Variants in RABGAP1L observed in about 807,000 individuals in gnomAD.
RABGAP1L encodes the protein RAB GTPase activating protein 1 like, also known as rab GTPase-activating protein 1-like.
In RABGAP1L, 63 loss-of-function variants were observed where a neutral mutation model predicts 137.7. The observed-to-expected ratio is 0.46, with a 90% CI of 0.37 to 0.56. RABGAP1L has a LOEUF of 0.56. Ranked by LOEUF, RABGAP1L falls within the 20% of genes least tolerant of loss-of-function variation. The pLI is 0.00. For missense variants in RABGAP1L, 1,095 were observed against 1,244.0 expected, an observed-to-expected ratio of 0.88 and a Z score of 1.80; for synonymous variants, 431 against 433.7, an observed-to-expected ratio of 0.99 and a Z score of 0.08.
At position 174,629,518 on chromosome 1, in the gene RABGAP1L, G is replaced by A. The variant is rs1673165169; in HGVS notation, c.1711-7857G>A. 1.3e-5 allele frequency among the ~76,000 whole-genome samples: 2 copies of A among 151,938 alleles called. 1 individual carries two copies. The highest frequency in any genetic ancestry group is 2.9e-5 in the Non-Finnish European group (2 of 67,876). On this transcript the variant is annotated intron_variant, in intron 13 of 25. Coordinates refer to ENST00000681986, the MANE Select transcript of RABGAP1L (RefSeq NM_001366446.1). ...TATTAAACATTTAAAAGTAATCCTA[G>A]GAAGGGGAATTTTATTTTAATTAAT...
chr1:174,518,943 T>G (rs1173315446), intron 13 of RABGAP1L, among the ~76,000 whole-genome samples: 1 of 152,146 alleles, frequency 6.6e-6, no homozygotes, highest in African/African-American at 2.4e-5. Context: ...GAGCTGTGTA[T>G]GAAATTAAAA....
intron 13 of RABGAP1L, among the ~76,000 whole-genome samples, chr1:174,607,710 T>A (rs1670890358): frequency 6.6e-6 from 1 of 152,240 alleles, no homozygotes; most frequent in Admixed American, 6.5e-5. Flanking sequence ...TTTCAGGAAA[T>A]ACTAACTTGG....
intron 19 of RABGAP1L, among the ~76,000 whole-genome samples, chr1:174,932,447 A>G (rs1663999498): frequency 6.6e-6 from 1 of 151,962 alleles, no homozygotes. Flanking sequence ...TAGATTTAGG[A>G]TATGTATCAT....
chr1:174,881,250 T>C (rs927070658), intron 19 of RABGAP1L, among the ~76,000 whole-genome samples: 97 of 152,280 alleles, frequency 6.4e-4, no homozygotes, highest in Non-Finnish European at 5.0e-4. Context: ...CTGTAGCTCA[T>C]TTTTAAATAG....
chr1:174,386,603 G>A (rs1233246234), intron 12 of RABGAP1L, among the ~76,000 whole-genome samples: 1 of 151,996 alleles, frequency 6.6e-6, no homozygotes, highest in Non-Finnish European at 1.5e-5. Flanking sequence ...CACCTCCTGG[G>A]TTCAAGTGAT....
At chr1:174,759,420 C>A (rs1685037931) in intron 18 of RABGAP1L, among the ~76,000 whole-genome samples, 1 of 151,310 alleles carries the variant, frequency 6.6e-6, no homozygotes, top group Non-Finnish European at 1.5e-5. Flanking sequence ...CATAGTGAAA[C>A]CCTGTCTCTA....
chr1:174,720,161 A>G (rs887045740), intron 17 of RABGAP1L, among the ~76,000 whole-genome samples: 2 of 152,170 alleles, frequency 1.3e-5, no homozygotes, highest in Non-Finnish European at 2.9e-5. Flanking sequence ...TTGATTTTCA[A>G]CAAGGATGCC....
At chr1:174,956,383 C>T (rs1668526730) in intron 19 of RABGAP1L, among the ~76,000 whole-genome samples, 1 of 152,118 alleles carries the variant, frequency 6.6e-6, no homozygotes, top group Non-Finnish European at 1.5e-5. Flanking sequence ...TATCTGTTTA[C>T]TGAGGGCTTT....
At chr1:174,724,431 AT>A (rs1210418186) in intron 17 of RABGAP1L, among the ~76,000 whole-genome samples, 9 of 152,220 alleles carry the variant, frequency 5.9e-5, no homozygotes, top group Non-Finnish European at 1.2e-4. Flanking sequence ...ACTAGTACTT[AT>A]AGCAGTTTGG....
At chr1:174,404,597 G>T (rs1020278158) in intron 13 of RABGAP1L, among the ~76,000 whole-genome samples, 1 of 152,048 alleles carries the variant, frequency 6.6e-6, no homozygotes, top group Non-Finnish European at 1.5e-5. Context: ...ATGTAATAAG[G>T]TTTTAACCTA....
intron 19 of RABGAP1L, among the ~76,000 whole-genome samples, chr1:174,866,110 G>GGT (rs1157913092): frequency 3.0e-5 from 2 of 65,800 alleles, no homozygotes; most frequent in African/African-American, 1.2e-4. Context: ...GGAGGGAGGG[G>GGT]GAGAGAGAGA....
intron 19 of RABGAP1L, chr1:174,877,404 A>G: frequency 6.3e-7 from 1 of 1,581,916 alleles, no homozygotes; most frequent in Non-Finnish European, 8.6e-7. Context: ...GGGTGTGTAC[A>G]CTGGCACTGA....
Position 174,438,744 on chromosome 1 carries a change from G to GTATATATATATATATA in RABGAP1L, c.1710+44617_1710+44632dup, listed in dbSNP as rs71117563. Among the ~76,000 whole-genome samples, 449 of 95,324 alleles carry GTATATATATATATATA rather than the reference G, an allele frequency of 4.7e-3. 8 individuals carry two copies. The highest frequency in any genetic ancestry group is 9.7e-3 in the African/African-American group (204 of 20,984). 62.5% of individuals were successfully genotyped at this position (95,324 alleles called of 152,430 possible). Reference sequence around the variant, plus strand: ...AAAAACCCAAAAAAAGTGTGTGTGTGTATATATATATATATATATATATAT... The same window carrying GTATATATATATATATA: ...AAAAACCCAAAAAAAGTGTGTGTGTGTATATATATATATATATATATATATATATATATATATATAT... On this transcript the variant is annotated intron_variant, in intron 13 of 25. Transcript: ENST00000681986.
At chr1:174,953,347 GC>G (rs1010811171) in intron 19 of RABGAP1L, among the ~76,000 whole-genome samples, 1 of 152,154 alleles carries the variant, frequency 6.6e-6, no homozygotes, top group Admixed American at 6.5e-5. Context: ...TCCGTCTGAG[GC>G]CAGCATGGCT....
In RABGAP1L at chr1:174,670,227, A is replaced by G. The variant is rs553633020; in HGVS notation, c.1825-13295A>G. On this transcript the variant is annotated intron_variant, in intron 14 of 25. Coordinates refer to ENST00000681986, the MANE Select transcript of RABGAP1L (RefSeq NM_001366446.1). ...TAAATTTATTCCTAAATGTTTTTAT[A>G]GCTACTTTATTTTTTATTTTTTATT... 3.3e-5 allele frequency among the ~76,000 whole-genome samples: 5 copies of G among 152,060 alleles called. No individual in the cohort carries two copies. In the South Asian group the frequency reaches 1.0e-3, roughly 32 times the overall value.
chr1:174,221,768 T>C (rs761814958), intron 3 of RABGAP1L, among the ~76,000 whole-genome samples: 1 of 152,176 alleles, frequency 6.6e-6, no homozygotes, highest in Non-Finnish European at 1.5e-5. Flanking sequence ...TCTGATCTTG[T>C]CTATGTTACC....
At chr1:174,603,468 A>ATCT (rs1670562651) in intron 13 of RABGAP1L, among the ~76,000 whole-genome samples, 1 of 152,078 alleles carries the variant, frequency 6.6e-6, no homozygotes. Flanking sequence ...GTAATTGCCA[A>ATCT]TCTTCATTCA....
chr1:174,956,251 G>A (rs1668508184), intron 19 of RABGAP1L, among the ~76,000 whole-genome samples: 2 of 152,052 alleles, frequency 1.3e-5, no homozygotes, highest in Admixed American at 1.3e-4. Flanking sequence ...GCCCAGGCTG[G>A]AGTAAGTGGC....
intron 18 of RABGAP1L, among the ~76,000 whole-genome samples, chr1:174,753,905 A>G (rs1051586409): frequency 6.6e-6 from 1 of 152,156 alleles, no homozygotes; most frequent in Non-Finnish European, 1.5e-5. Context: ...TTGGTGACTT[A>G]TCTTTACTAG....
Sources: gnomAD v4.1 joint callset for allele counts (sites outside exome capture counted in the v4.1 genomes callset) on GRCh38, gnomAD v4.1.1 for gene constraint, MANE v1.5 for transcripts, NCBI Gene and HGNC (gene_info 2026-07-23, HGNC 2026-07-21) for gene names.